DGKI: variants seen among roughly 807,000 people sequenced by gnomAD.
DGKI encodes the protein diacylglycerol kinase iota.
Under a neutral mutation model 147.5 loss-of-function variants are expected in DGKI, and 55 were observed. The observed-to-expected ratio is 0.37, with a 90% confidence interval of 0.30 to 0.47. The LOEUF (loss-of-function observed/expected upper bound fraction) is 0.47, where lower values mean the gene tolerates loss of function less well. Among genes scored for constraint, DGKI ranks in the 20% least tolerant of loss-of-function variants. The pLI, the probability that DGKI is intolerant of heterozygous loss-of-function variation, is 1.00. For missense variants in DGKI, 1,007 were observed against 1,323.8 expected, an observed-to-expected ratio of 0.76 and a Z score of 3.71; for synonymous variants, 469 against 477.1, an observed-to-expected ratio of 0.98 and a Z score of 0.22.
chr7:137,747,711 C>T (rs570344112), intron 1 of DGKI, among the ~76,000 whole-genome samples: 124 of 152,098 alleles, frequency 8.2e-4, no homozygotes, highest in Non-Finnish European at 1.6e-3. Context: ...ACCTGGAGAC[C>T]TTCTACTGGT....
chr7:137,575,658 C>G (rs565330016), intron 17 of DGKI, among the ~76,000 whole-genome samples: 2 of 152,300 alleles, frequency 1.3e-5, no homozygotes, highest in South Asian at 4.1e-4. Flanking sequence ...TTAATAGCCA[C>G]GATTTTATTG....
intron 1 of DGKI, among the ~76,000 whole-genome samples, chr7:137,792,431 T>C (rs1796883589): frequency 1.3e-5 from 2 of 152,164 alleles, no homozygotes; most frequent in African/African-American, 4.8e-5. Flanking sequence ...TAAGCATCTA[T>C]TACAAATAAG....
intron 1 of DGKI, among the ~76,000 whole-genome samples, chr7:137,822,311 GCAGGAGAATCACTTGAACC>G (rs929597573): frequency 2.0e-5 from 3 of 152,162 alleles, no homozygotes; most frequent in African/African-American, 7.2e-5. Context: ...GGAGGCTGAG[GCAGGAGAATCACTTGAACC>G]CAGGAGGTGA....
chr7:137,682,089 T>A (rs552848310), intron 2 of DGKI, among the ~76,000 whole-genome samples: 1 of 152,252 alleles, frequency 6.6e-6, no homozygotes, highest in East Asian at 1.9e-4. Flanking sequence ...ATGTGAGTAT[T>A]AACAGCTTTC....
intron 28 of DGKI, among the ~76,000 whole-genome samples, chr7:137,436,580 C>A (rs548799205): frequency 6.6e-5 from 10 of 152,164 alleles, no homozygotes; most frequent in African/African-American, 2.4e-4. Flanking sequence ...GTAGTATATA[C>A]AAGATATTCC....
At chr7:137,723,806 C>T (rs1414534960) in intron 1 of DGKI, among the ~76,000 whole-genome samples, 1 of 145,336 alleles carries the variant, frequency 6.9e-6, no homozygotes, top group African/African-American at 2.6e-5. Flanking sequence ...GCCTCCTGGG[C>T]TCAAGTGATT....
chr7:137,503,221 A>G (rs1816244133), intron 21 of DGKI, among the ~76,000 whole-genome samples: 1 of 152,206 alleles, frequency 6.6e-6, no homozygotes, highest in Non-Finnish European at 1.5e-5. Context: ...GAATTAAAGT[A>G]AGTATTGCTT....
Position 137,779,480 on chromosome 7 carries a change from A to C in DGKI, c.401+66982T>G, listed in dbSNP as rs559997608. Among the ~76,000 whole-genome samples, 45 of 152,274 alleles carry C rather than the reference A, an allele frequency of 3.0e-4. 1 individual carries two copies. Among genetic ancestry groups the C allele is most frequent in the Non-Finnish European group, 4.4e-5 (3 of 67,998 alleles). Reference sequence around the variant, plus strand: ...AACATAATATCATTTTTAAAAATTAAAAGTTTTTGCTTATAAAAATTACAT... The same window carrying C: ...AACATAATATCATTTTTAAAAATTACAAGTTTTTGCTTATAAAAATTACAT... On this transcript the variant is annotated intron_variant, in intron 1 of 32. Coordinates refer to ENST00000614521, the MANE Select transcript of DGKI (RefSeq NM_001321708.2).
In DGKI at chr7:137,441,540, A is replaced by G. The variant is rs1458344743; in HGVS notation, c.2761+2537T>C. Among the ~76,000 whole-genome samples, 3 of 152,208 alleles carry G rather than the reference A, an allele frequency of 2.0e-5. No homozygotes were observed. The East Asian group carries it at 5.8e-4, about 29-fold the overall frequency. On this transcript the variant is annotated intron_variant, in intron 28 of 32. Transcript: ENST00000614521. Reference sequence around the variant, plus strand: ...TAGCTCCATTTTACAGACAAGGAAAAGAAAACAAACAAGATAAGGTAAAGG... The same window carrying G: ...TAGCTCCATTTTACAGACAAGGAAAGGAAAACAAACAAGATAAGGTAAAGG...
At chr7:137,415,186 G>A (rs1411530936) in intron 28 of DGKI, among the ~76,000 whole-genome samples, 1 of 152,028 alleles carries the variant, frequency 6.6e-6, no homozygotes, top group African/African-American at 2.4e-5. Flanking sequence ...AGGAGAGGCT[G>A]GGGAAAGTAA....
chr7:137,787,672 G>A (rs911556211), intron 1 of DGKI, among the ~76,000 whole-genome samples: 9 of 152,196 alleles, frequency 5.9e-5, no homozygotes, highest in Middle Eastern at 3.4e-3. Context: ...ATGTTTAAGC[G>A]GCACAACTTG....
chr7:137,654,815 A>G, intron 4 of DGKI, 27 bp from the exon 5 acceptor site: 6 of 1,441,642 alleles, frequency 4.2e-6, no homozygotes, highest in Middle Eastern at 1.8e-4. Flanking sequence ...AAAGTATATT[A>G]TATTAGAGAT....
chr7:137,443,937 G>T, intron 28 of DGKI, 140 bp downstream of exon 28: 1 of 686,086 alleles, frequency 1.5e-6, no homozygotes, highest in Non-Finnish European at 2.4e-6. Context: ...AAAAGTGTTT[G>T]ACATTTCACA....
At chr7:137,688,997 A>G (rs1422868107) in intron 2 of DGKI, among the ~76,000 whole-genome samples, 9 of 152,214 alleles carry the variant, frequency 5.9e-5, no homozygotes, top group Admixed American at 2.6e-4. Context: ...AAGGATATTA[A>G]TAAGTGTGTG....
In DGKI at chr7:137,598,343, A is replaced by G. The variant is rs957259342; in HGVS notation, c.1251-436T>C. Among the ~76,000 whole-genome samples, 3 of 151,810 alleles carry G rather than the reference A, an allele frequency of 2.0e-5. No homozygotes were observed. In the Middle Eastern group the frequency reaches 0.01, roughly 520 times the overall value. On this transcript the variant is annotated intron_variant, in intron 11 of 32. Transcript: ENST00000614521. ...ATATTTATTAGTTTTCCCTGGATGT[A>G]TTTACTTCTTCTAACTTATACTTTC...
At chr7:137,536,559 T>C (rs115723386) in intron 20 of DGKI, among the ~76,000 whole-genome samples, 96 of 152,292 alleles carry the variant, frequency 6.3e-4, no homozygotes, top group Middle Eastern at 3.4e-3. Context: ...GCAGATTTTC[T>C]TATGATTCTA....
intron 24 of DGKI, 104 bp from the exon 25 acceptor site, chr7:137,467,046 T>C (rs113284545): frequency 9.5e-7 from 1 of 1,055,550 alleles, no homozygotes. Flanking sequence ...TACATGGCAG[T>C]CATGCTAGTC....
chr7:137,464,256 CA>C (rs58290482), intron 26 of DGKI, among the ~76,000 whole-genome samples: 2,059 of 47,530 alleles, frequency 0.043, 27 homozygotes, highest in East Asian at 0.2. Flanking sequence ...GACTCCATCT[CA>C]AAAAAAAAAA....
In DGKI at chr7:137,487,689, G is replaced by T. The variant is rs752459645; in HGVS notation, c.2249C>A (p.Ser750Ter). The stretch of plus-strand genomic sequence containing the variant: ...CACAACTAGAATACCCAGAGGTATC[G>T]CTAAGGGTGAAGGAAGAAGAAAAAT... ...HYDKEKLREASIPLGILVVRG... is the reference protein window; with the variant it reads ...HYDKEKLREA Residue 750 changes from serine to a stop codon, truncating the protein, a stop_gained and splice_region_variant, in exon 22 of 33, where the codon TCG becomes TAG. Coordinates refer to ENST00000614521, the MANE Select transcript of DGKI (RefSeq NM_001321708.2). LOFTEE classifies it high-confidence loss of function. 1 of 1,613,122 alleles carries T rather than the reference G, an allele frequency of 6.2e-7. No individual in the cohort carries two copies. Among genetic ancestry groups the T allele is most frequent in the Non-Finnish European group, 8.5e-7 (1 of 1,179,282 alleles).
Sources: allele counts gnomAD v4.1 joint callset (sites outside exome capture counted in the v4.1 genomes callset), GRCh38; gene constraint gnomAD v4.1.1; transcripts MANE v1.5; gene names NCBI Gene and HGNC (gene_info 2026-07-23, HGNC 2026-07-21).